The following FHIT variants were observed in gnomAD, a reference collection of about 807,000 sequenced individuals.
The protein encoded by FHIT is fragile histidine triad diadenosine triphosphatase.
Under a neutral mutation model 17.9 loss-of-function variants are expected in FHIT, and 19 were observed. That is an observed-to-expected ratio of 1.06 (90% CI 0.74 to 1.56). The LOEUF (loss-of-function observed/expected upper bound fraction) is 1.56. Ranked by LOEUF, FHIT falls within the 40% of genes most tolerant of loss-of-function variation. The pLI, the probability that FHIT is intolerant of heterozygous loss-of-function variation, is 0.00. For missense variants in FHIT, 248 were observed against 189.2 expected, an observed-to-expected ratio of 1.31 and a Z score of -1.82; for synonymous variants, 81 against 69.7, an observed-to-expected ratio of 1.16 and a Z score of -0.81.
chr3:60,885,031 C>T (rs1459060795), intron 3 of FHIT, among the ~76,000 whole-genome samples: 3 of 151,114 alleles, frequency 2.0e-5, no homozygotes, highest in East Asian at 1.9e-4. Context: ...TTGATGGGTG[C>T]TACTAGAGCC....
chr3:60,478,930 T>C lies in FHIT; in HGVS notation c.103+57930A>G, dbSNP rs774490659. On this transcript the variant is annotated intron_variant, in intron 5 of 9. Transcript: ENST00000492590. ...TTGAAATGAAACGCAATATAACTAT[T>C]GCTCTGGGAATTACAGATGGGATCC... Among the ~76,000 whole-genome samples the C allele has an allele frequency of 7.6e-4, 116 of 152,286 alleles. 1 individual carries two copies. Among genetic ancestry groups the C allele is most frequent in the Non-Finnish European group, 1.4e-3 (95 of 68,024 alleles).
At chr3:61,034,873 A>C (rs529679328) in intron 3 of FHIT, among the ~76,000 whole-genome samples, 1 of 152,320 alleles carries the variant, frequency 6.6e-6, no homozygotes, top group South Asian at 2.1e-4. Flanking sequence ...CAAAAGGTGG[A>C]AACAGCCCAC....
intron 2 of FHIT, among the ~76,000 whole-genome samples, chr3:61,126,416 G>C (rs1196225318): frequency 6.6e-6 from 1 of 152,134 alleles, no homozygotes; most frequent in Non-Finnish European, 1.5e-5. Flanking sequence ...GGTTGGGGAG[G>C]CCTCAGGAAA....
intron 4 of FHIT, among the ~76,000 whole-genome samples, chr3:60,744,258 C>A (rs13315117): frequency 0.69 from 65,106 of 93,978 alleles, 19,631 homozygotes; most frequent in East Asian, 0.86. Context: ...AAAAAAAAAA[C>A]AAAACAAAAC....
chr3:60,439,105 C>G (rs2030559092), intron 5 of FHIT, among the ~76,000 whole-genome samples: 1 of 151,980 alleles, frequency 6.6e-6, no homozygotes, highest in Non-Finnish European at 1.5e-5. Flanking sequence ...ATTACAAAAG[C>G]CCAGAAGAAC....
At chr3:59,949,082 A>G (rs1706983897) in intron 7 of FHIT, among the ~76,000 whole-genome samples, 1 of 152,138 alleles carries the variant, frequency 6.6e-6, no homozygotes, top group Non-Finnish European at 1.5e-5. Flanking sequence ...CTATATTGTT[A>G]CCATCTTTAT....
intron 3 of FHIT, among the ~76,000 whole-genome samples, chr3:61,033,435 C>T (rs919399180): frequency 6.6e-6 from 1 of 152,028 alleles, no homozygotes; most frequent in East Asian, 1.9e-4. Context: ...TGTAAAATAC[C>T]TCATCAATAA....
At position 59,749,334 on chromosome 3, in the gene FHIT, C is replaced by T. The variant is rs1700756564; in HGVS notation, c.*251G>A. ...GTTGCAGCAGAGAAGGAAGTTTAAT[C>T]ATAAGGCTGCCGAATAAGGAGACAG... is the stretch of plus-strand genomic sequence containing the variant. On this transcript the variant is annotated 3_prime_UTR_variant, in exon 10 of 10. Transcript: ENST00000492590. 1 of 230,978 alleles carries T rather than the reference C, an allele frequency of 4.3e-6. No individual in the cohort carries two copies. The highest frequency in any genetic ancestry group is 2.2e-5 in the African/African-American group (1 of 44,966). 14.3% of individuals were successfully genotyped at this position (230,978 alleles called of 1,614,324 possible).
intron 5 of FHIT, among the ~76,000 whole-genome samples, chr3:60,471,010 T>C (rs1002541328): frequency 6.6e-6 from 1 of 152,190 alleles, no homozygotes; most frequent in Non-Finnish European, 1.5e-5. Context: ...AGAAACGCTG[T>C]CTGGAAGCCA....
At chr3:59,963,464 G>A (rs554191184) in intron 7 of FHIT, among the ~76,000 whole-genome samples, 2 of 152,134 alleles carry the variant, frequency 1.3e-5, no homozygotes, top group South Asian at 4.2e-4. Flanking sequence ...ACATGAGAGA[G>A]AGAAGGAGGA....
Position 60,210,758 on chromosome 3 carries a change from CA to C in FHIT, c.104-196607del, listed in dbSNP as rs563129522. On this transcript the variant is annotated intron_variant, in intron 5 of 9. Transcript: ENST00000492590. ...AAGTTCAACAATATAGTATGTTGGC[CA>C]GACTTAGGGAACTAGGAATTCTTAT... is the stretch of plus-strand genomic sequence containing the variant. 8.2e-4 allele frequency among the ~76,000 whole-genome samples: 125 copies of C among 152,052 alleles called. 1 individual carries two copies. The highest frequency in any genetic ancestry group is 2.5e-3 in the Admixed American group (38 of 15,266).
intron 4 of FHIT, chr3:60,690,586 C>G: frequency 1.9e-6 from 1 of 540,114 alleles, no homozygotes; most frequent in Non-Finnish European, 3.8e-6. Flanking sequence ...ATAATCAAAT[C>G]CTTTTTCTCC....
At chr3:60,345,326 G>C (rs1710721845) in intron 5 of FHIT, among the ~76,000 whole-genome samples, 2 of 152,174 alleles carry the variant, frequency 1.3e-5, no homozygotes, top group Non-Finnish European at 2.9e-5. Flanking sequence ...GAGACAGCAT[G>C]AGAACTACTG....
intron 3 of FHIT, among the ~76,000 whole-genome samples, chr3:60,848,766 C>T (rs781595967): frequency 6.6e-6 from 1 of 152,020 alleles, no homozygotes; most frequent in Admixed American, 6.6e-5. Flanking sequence ...AGCATTCAAA[C>T]TGGTAGCTAT....
At chr3:60,507,912 C>G (rs9810924) in intron 5 of FHIT, among the ~76,000 whole-genome samples, 22,876 of 152,078 alleles carry the variant, frequency 0.15, 1,985 homozygotes, top group Middle Eastern at 0.24. Context: ...TTTTCTTTAT[C>G]CAGTCTACCA....
At chr3:60,185,570 G>A (rs970464375) in intron 5 of FHIT, among the ~76,000 whole-genome samples, 1 of 152,170 alleles carries the variant, frequency 6.6e-6, no homozygotes, top group Non-Finnish European at 1.5e-5. Flanking sequence ...GAATAAAGCT[G>A]AGACAAACAT....
At chr3:61,138,050 G>A (rs367598087) in intron 2 of FHIT, among the ~76,000 whole-genome samples, 3 of 152,114 alleles carry the variant, frequency 2.0e-5, no homozygotes, top group Non-Finnish European at 2.9e-5. Flanking sequence ...TTACTTAACC[G>A]CTCTGTGACT....
At chr3:60,822,358 T>C (rs191415602) in intron 3 of FHIT, among the ~76,000 whole-genome samples, 2 of 152,246 alleles carry the variant, frequency 1.3e-5, no homozygotes, top group Admixed American at 6.5e-5. Context: ...GCTTTCCATT[T>C]TGCAAAAAGA....
chr3:61,071,899 C>A (rs2034820353), intron 2 of FHIT, among the ~76,000 whole-genome samples: 1 of 152,146 alleles, frequency 6.6e-6, no homozygotes, highest in Non-Finnish European at 1.5e-5. Context: ...AGTCTCAATG[C>A]AAATGTTGTT....
Sources: gnomAD v4.1 joint callset for allele counts (sites outside exome capture counted in the v4.1 genomes callset) on GRCh38, gnomAD v4.1.1 for gene constraint, MANE v1.5 for transcripts, NCBI Gene and HGNC (gene_info 2026-07-23, HGNC 2026-07-21) for gene names.